MYH3: variants seen among roughly 807,000 people sequenced by gnomAD.
MYH3 encodes the protein myosin heavy chain 3, also known as myosin-3.
MYH3 carries 130 observed loss-of-function variants against 238.0 expected under a neutral mutation model. The observed-to-expected ratio is 0.55, with a 90% CI of 0.47 to 0.63. The LOEUF (loss-of-function observed/expected upper bound fraction) is 0.63, where lower values mean the gene tolerates loss of function less well. MYH3 is among the 30% of genes least tolerant of loss of function. MYH3 has a pLI of 0.00. For synonymous variants in MYH3, 880 were observed against 924.1 expected (o/e 0.95, Z 0.86); for missense variants, 1,853 against 2,374.9 (o/e 0.78, Z 4.57).
the MYH3 span, chr17:10,677,230 C>G: frequency 6.6e-6 from 1 of 152,216 alleles, no homozygotes; most frequent in African/African-American, 2.4e-5. Flanking sequence ...TCGCTTGAAC[C>G]TGGGAGGCGG....
At chr17:10,657,970 C>T (rs898763511), upstream of MYH3, among the ~76,000 whole-genome samples, 6 of 152,090 alleles carry the variant, frequency 3.9e-5, no homozygotes, top group Non-Finnish European at 7.3e-5. Flanking sequence ...CTTTCTTAAG[C>T]TCTAATAGGA....
chr17:10,638,296 G>A lies in MYH3; in HGVS notation c.3476C>T (p.Ser1159Phe), dbSNP rs1410696528. ...ERLEEAGGVT[S>F]TQIELNKKRE... ...CTTCTTGTTGAGCTCTATCTGCGTG[G>A]AGGTGACGCCTCCCGCCTCCTCCAG... Residue 1159 changes from serine to phenylalanine, a missense_variant, in exon 27 of 41, where the codon TCC becomes TTC. Around this residue, in one of 3 missense-constraint regions of MYH3, gnomAD observed 1,044 missense variants for 1,192.6 expected, o/e 0.88. Coordinates refer to ENST00000583535, the MANE Select transcript of MYH3 (RefSeq NM_002470.4). 1.9e-6 allele frequency: 3 copies of A among 1,613,358 alleles called. No homozygotes were observed. The highest frequency in any genetic ancestry group is 1.3e-5 in the African/African-American group (1 of 74,844).
the MYH3 span, among the ~76,000 whole-genome samples, chr17:10,669,145 G>C: frequency 1.3e-5 from 2 of 152,118 alleles, no homozygotes; most frequent in Non-Finnish European, 2.9e-5. Context: ...CTGCTGCCCC[G>C]CAGGGATGTG....
upstream of MYH3, among the ~76,000 whole-genome samples, chr17:10,659,732 A>G (rs2074466775): frequency 6.6e-6 from 1 of 152,166 alleles, no homozygotes; most frequent in Admixed American, 6.6e-5. Context: ...GAGAAAGAAC[A>G]CCCTGCTGAA....
In MYH3 at chr17:10,645,740, G is replaced by A. The variant is rs1215038260; in HGVS notation, c.1108C>T (p.Arg370Ter). Residue 370 changes from arginine to a stop codon, truncating the protein, a stop_gained, in exon 12 of 41, where the codon CGA becomes TGA. Transcript: ENST00000583535. LOFTEE classifies it high-confidence loss of function. ...CCATCCGGCTCGGCCTGCTCCTCTC[G>A]CTGCTTCTGCTTGAACTTCATGTTC... ...YGNMKFKQKQ[R>*]EEQAEPDGTE... 4 of 1,613,216 alleles carry A rather than the reference G, an allele frequency of 2.5e-6. No homozygotes were observed. Among genetic ancestry groups the A allele is most frequent in the Non-Finnish European group, 2.5e-6 (3 of 1,179,958 alleles).
intron 1 of MYH3, among the ~76,000 whole-genome samples, chr17:10,656,537 CAAAA>C (rs71139057): frequency 1.4e-3 from 80 of 55,858 alleles, no homozygotes; most frequent in East Asian, 3.5e-3. Flanking sequence ...AATTCTGTCT[CAAAA>C]AAAAAAAAAA....
chr17:10,637,063 C>CTTTTTT lies in MYH3; in HGVS notation c.3856+740_3856+745dup, dbSNP rs111976484. Among the ~76,000 whole-genome samples, 17 of 145,488 alleles carry CTTTTTT rather than the reference C, an allele frequency of 1.2e-4. No homozygotes were observed. The East Asian group carries it at 2.8e-3, about 24-fold the overall frequency. On this transcript the variant is annotated intron_variant, in intron 28 of 40. Transcript: ENST00000583535. ...AAACTCCAAATAACATTCCCTTAAACTTTTTTTTTTTTTGAGACAGAGTTT... is the reference window on the plus strand; with the variant it reads ...AAACTCCAAATAACATTCCCTTAAACTTTTTTTTTTTTTTTTTTTGAGACAGAGTTT...
the MYH3 span, among the ~76,000 whole-genome samples, chr17:10,665,353 G>C: frequency 6.6e-6 from 1 of 152,082 alleles, no homozygotes; most frequent in Non-Finnish European, 1.5e-5. Context: ...ATGTTGGTCA[G>C]GCTGGTCTTG....
the MYH3 span, among the ~76,000 whole-genome samples, chr17:10,669,474 G>A: frequency 3.9e-5 from 6 of 152,012 alleles, no homozygotes; most frequent in South Asian, 4.2e-4. Context: ...GGCTGAGGCA[G>A]GAGAATCGCT....
intron 30 of MYH3, 151 bp downstream of exon 30, chr17:10,635,216 T>C: frequency 7.1e-7 from 1 of 1,403,716 alleles, no homozygotes; most frequent in Non-Finnish European, 9.7e-7. Flanking sequence ...TCAAAGCTGT[T>C]TGTTTTAATA....
At chr17:10,673,266 GT>G in the MYH3 span, 2 of 152,100 alleles carry the variant, frequency 1.3e-5, no homozygotes, top group Non-Finnish European at 1.5e-5. Context: ...ATCTTGTCTG[GT>G]TATGTGCATC....
the MYH3 span, among the ~76,000 whole-genome samples, chr17:10,665,010 G>T: frequency 6.6e-6 from 1 of 152,120 alleles, no homozygotes; most frequent in Non-Finnish European, 1.5e-5. Flanking sequence ...TCACTGTGAG[G>T]TTACCAAAGG....
chr17:10,673,860 C>T, the MYH3 span: 3 of 152,114 alleles, frequency 2.0e-5, no homozygotes, highest in South Asian at 2.1e-4. Flanking sequence ...GAGTGACAGT[C>T]GTCTTTGACA....
At chr17:10,631,289 C>G (rs2074153989) in intron 36 of MYH3, among the ~76,000 whole-genome samples, 1 of 152,162 alleles carries the variant, frequency 6.6e-6, no homozygotes, top group Admixed American at 6.5e-5. Flanking sequence ...GCCTCGGAGA[C>G]CCAGGAAGGG....
chr17:10,639,983 G>T lies in MYH3; in HGVS notation c.2682+13C>A. On this transcript the variant is annotated intron_variant, in intron 22 of 40. Transcript: ENST00000583535. Reference sequence around the variant, plus strand: ...AAGAGTTAAAAAAAAAAAAAAGATTGCTAAACACGTACAGCTTGTACTTGG... The same window carrying T: ...AAGAGTTAAAAAAAAAAAAAAGATTTCTAAACACGTACAGCTTGTACTTGG... 1 of 1,607,724 alleles carries T rather than the reference G, an allele frequency of 6.2e-7. No homozygotes were observed. Among genetic ancestry groups the T allele is most frequent in the African/African-American group, 1.3e-5 (1 of 74,332 alleles).
rs1349484226 is a variant in MYH3 at position 10,629,885 on chromosome 17, A to T, written c.5615T>A (p.Leu1872Gln). 6 of 1,614,126 alleles carry T rather than the reference A, an allele frequency of 3.7e-6. No individual in the cohort carries two copies. The highest frequency in any genetic ancestry group is 5.1e-6 in the Non-Finnish European group (6 of 1,180,030). The change falls in exon 39 of 41, where the codon CTG becomes CAG. Residue 1872 changes from leucine (L) to glutamine (Q), a missense_variant. Leu to Gln is a moderately radical substitution (Grantham distance 113, BLOSUM62 -2). This residue lies in a region of MYH3 where 1,044 missense variants were observed against 1,192.6 expected (regional missense o/e 0.88). Coordinates refer to ENST00000583535, the MANE Select transcript of MYH3 (RefSeq NM_002470.4). ...CTTGTAGGACTTGACTTTCACTTGC[A>T]GTTTATCCACCAGATCCTGCAATCT... Reference protein sequence around the residue: ...VLRLQDLVDKLQVKVKSYKRQ... With the variant: ...VLRLQDLVDKQQVKVKSYKRQ...
intron 12 of MYH3, among the ~76,000 whole-genome samples, chr17:10,645,476 C>T (rs2074311957): frequency 6.6e-6 from 1 of 152,046 alleles, no homozygotes; most frequent in Non-Finnish European, 1.5e-5. Context: ...TATAGGCATG[C>T]TCCACCATGC....
chr17:10,651,893 G>C, intron 4 of MYH3: 1 of 546,132 alleles, frequency 1.8e-6, no homozygotes, highest in South Asian at 2.1e-5. Context: ...ACAGGTACAT[G>C]CCATCACGCC....
intron 6 of MYH3, 29 bp downstream of exon 6, chr17:10,650,345 T>C: frequency 3.8e-6 from 6 of 1,599,350 alleles, no homozygotes; most frequent in Non-Finnish European, 1.7e-6. Flanking sequence ...GGCACAGCTA[T>C]GAAACCACTC....
Sources: allele counts gnomAD v4.1 joint callset (sites outside exome capture counted in the v4.1 genomes callset), GRCh38; gene constraint gnomAD v4.1.1; regional missense constraint gnomAD v4.1.1; transcripts MANE v1.5; gene names NCBI Gene and HGNC (gene_info 2026-07-23, HGNC 2026-07-21).